Variants in ABLIM3 observed in about 807,000 individuals in gnomAD.
ABLIM3 encodes actin-binding LIM protein 3.
ABLIM3 carries 61 observed loss-of-function variants against 109.5 expected under a neutral mutation model. That is an observed-to-expected ratio of 0.56 (90% CI 0.45 to 0.69). The LOEUF (loss-of-function observed/expected upper bound fraction) is 0.69. Among genes scored for constraint, ABLIM3 ranks in the 30% least tolerant of loss-of-function variants. ABLIM3 has a pLI of 0.00. For synonymous variants in ABLIM3, 300 were observed against 324.8 expected (o/e 0.92, Z 0.82); for missense variants, 796 against 889.5 (o/e 0.89, Z 1.34).
intron 7 of ABLIM3, among the ~76,000 whole-genome samples, chr5:149,213,450 G>A (rs2918279): frequency 0.023 from 3,554 of 152,350 alleles, 64 homozygotes; most frequent in African/African-American, 0.044. Context: ...GACTGCGTGG[G>A]CTGCGGAAAA....
chr5:149,252,967 G>C (rs922435509), intron 23 of ABLIM3, 130 bp downstream of exon 23: 2 of 665,744 alleles, frequency 3.0e-6, no homozygotes, highest in African/African-American at 3.6e-5. Flanking sequence ...GAAAAAGCAG[G>C]GACTTGAACC....
At chr5:149,214,878 C>T (rs1230899581) in intron 7 of ABLIM3, among the ~76,000 whole-genome samples, 2 of 152,140 alleles carry the variant, frequency 1.3e-5, no homozygotes, top group Non-Finnish European at 2.9e-5. Context: ...TTGCTGTTTT[C>T]GGTCCTCTCA....
intron 2 of ABLIM3, among the ~76,000 whole-genome samples, chr5:149,156,987 G>C (rs1401509915): frequency 6.6e-6 from 1 of 152,236 alleles, no homozygotes; most frequent in East Asian, 1.9e-4. Context: ...AGTCCAAAAT[G>C]ATGACAAAGA....
intron 2 of ABLIM3, among the ~76,000 whole-genome samples, chr5:149,158,931 A>G (rs1203865557): frequency 6.6e-6 from 1 of 152,216 alleles, no homozygotes; most frequent in Non-Finnish European, 1.5e-5. Context: ...ATTCTGGTGA[A>G]AATGTAAAAT....
chr5:149,239,300 A>G, intron 12 of ABLIM3, 23 bp downstream of exon 12: 2 of 1,612,102 alleles, frequency 1.2e-6, no homozygotes, highest in Non-Finnish European at 1.7e-6. Flanking sequence ...ATAGAGAATT[A>G]AGTTGATATA....
intron 2 of ABLIM3, among the ~76,000 whole-genome samples, chr5:149,152,518 G>A (rs984827789): frequency 2.0e-5 from 3 of 152,066 alleles, no homozygotes; most frequent in African/African-American, 7.2e-5. Context: ...ATACAGTTAG[G>A]CAAATAACAG....
At chr5:149,244,781 C>A in intron 15 of ABLIM3, 100 bp from the exon 16 acceptor site, 1 of 1,475,336 alleles carries the variant, frequency 6.8e-7, no homozygotes, top group South Asian at 1.2e-5. Flanking sequence ...GAAGTGGACT[C>A]ACTCCCCTGG....
intron 2 of ABLIM3, among the ~76,000 whole-genome samples, chr5:149,182,357 C>T (rs1382476560): frequency 6.6e-6 from 1 of 152,180 alleles, no homozygotes; most frequent in Non-Finnish European, 1.5e-5. Context: ...ACTATTCCTT[C>T]AACTTTGAGT....
intron 3 of ABLIM3, among the ~76,000 whole-genome samples, chr5:149,188,599 C>T (rs1027659933): frequency 1.3e-5 from 2 of 152,198 alleles, no homozygotes; most frequent in Admixed American, 1.3e-4. Flanking sequence ...TGCGTCTTCG[C>T]ATGGCAGAGA....
At chr5:149,194,184 G>A (rs1303559150) in intron 3 of ABLIM3, among the ~76,000 whole-genome samples, 2 of 151,904 alleles carry the variant, frequency 1.3e-5, no homozygotes, top group East Asian at 3.9e-4. Context: ...GACTGAAAAA[G>A]GATTGATTTC....
At chr5:149,152,395 T>C (rs894909179) in intron 2 of ABLIM3, among the ~76,000 whole-genome samples, 4 of 152,174 alleles carry the variant, frequency 2.6e-5, no homozygotes, top group Admixed American at 1.3e-4. Flanking sequence ...AAGTTAGCAA[T>C]TGATTAACAT....
chr5:149,153,977 G>A (rs1274256153), intron 2 of ABLIM3, among the ~76,000 whole-genome samples: 1 of 152,156 alleles, frequency 6.6e-6, no homozygotes, highest in Admixed American at 6.5e-5. Context: ...CCAAAGCTTC[G>A]TCCTCACATC....
chr5:149,156,623 A>G lies in ABLIM3; in HGVS notation c.13+14515A>G, dbSNP rs1037257885. ...AGCTAACATTTAAGGAGCACTTATTACATGTAAGACCCTATGCAAACATTT... is the reference window on the plus strand; with the variant it reads ...AGCTAACATTTAAGGAGCACTTATTGCATGTAAGACCCTATGCAAACATTT... On this transcript the variant is annotated intron_variant, in intron 2 of 23. Transcript: ENST00000309868. Among the ~76,000 whole-genome samples the G allele has an allele frequency of 4.6e-5, 7 of 152,258 alleles. No individual in the cohort carries two copies. In the East Asian group the frequency reaches 5.8e-4, roughly 13 times the overall value.
intron 5 of ABLIM3, chr5:149,200,710 A>G (rs1758410690): frequency 2.2e-6 from 1 of 458,116 alleles, no homozygotes; most frequent in South Asian, 3.1e-5. Context: ...TCCTGATCTT[A>G]TGTCCCATGG....
chr5:149,177,868 T>C (rs1756086502), intron 2 of ABLIM3, among the ~76,000 whole-genome samples: 1 of 152,208 alleles, frequency 6.6e-6, no homozygotes. Flanking sequence ...CACTTTTCTA[T>C]AATTTAAGTA....
At chr5:149,227,255 T>C (rs1761400647) in intron 8 of ABLIM3, among the ~76,000 whole-genome samples, 2 of 152,178 alleles carry the variant, frequency 1.3e-5, no homozygotes, top group Admixed American at 1.3e-4. Flanking sequence ...AATACCTGGC[T>C]GACAGATAGT....
At chr5:149,227,123 A>G in intron 8 of ABLIM3, among the ~76,000 whole-genome samples, 1 of 151,004 alleles carries the variant, frequency 6.6e-6, no homozygotes, top group Non-Finnish European at 1.5e-5. Context: ...AGGGTGTAGC[A>G]GAGAGGTGGG....
intron 8 of ABLIM3, among the ~76,000 whole-genome samples, chr5:149,225,955 AATATGTGTGTGTG>A (rs1561607301): frequency 2.7e-4 from 28 of 103,536 alleles, no homozygotes; most frequent in African/African-American, 9.4e-4. Context: ...GTATGTATAT[AATATGTGTGTGTG>A]TGTGTGTGTG....
chr5:149,174,014 T>A, intron 2 of ABLIM3, among the ~76,000 whole-genome samples: 2 of 103,048 alleles, frequency 1.9e-5, no homozygotes, highest in East Asian at 2.8e-4. Flanking sequence ...AGAGCGAGAC[T>A]CCGTCTCAAA....
Sources: gnomAD v4.1 joint callset for allele counts (sites outside exome capture counted in the v4.1 genomes callset) on GRCh38, gnomAD v4.1.1 for gene constraint, MANE v1.5 for transcripts, NCBI Gene and HGNC (gene_info 2026-07-23, HGNC 2026-07-21) for gene names.